REDIC1: variants seen among roughly 807,000 people sequenced by gnomAD.
REDIC1 encodes regulator of DNA class I crossover intermediates 1.
the REDIC1 span, among the ~76,000 whole-genome samples, chr12:39,864,192 G>T: frequency 7.9e-5 from 12 of 152,256 alleles, no homozygotes; most frequent in Non-Finnish European, 1.5e-4. Flanking sequence ...TACACTGTTA[G>T]ATTTAATGAG....
the REDIC1 span, among the ~76,000 whole-genome samples, chr12:39,704,525 G>C: frequency 6.6e-6 from 1 of 152,252 alleles, no homozygotes; most frequent in African/African-American, 2.4e-5. Context: ...GATTCCTCAG[G>C]GATCTAGAAC....
chr12:39,628,218 G>A, the REDIC1 span, among the ~76,000 whole-genome samples: 1 of 152,144 alleles, frequency 6.6e-6, no homozygotes, highest in Non-Finnish European at 1.5e-5. Context: ...CTTGTGAAAT[G>A]TTCAGATACA....
At chr12:39,900,899 G>C in the REDIC1 span, among the ~76,000 whole-genome samples, 8 of 152,228 alleles carry the variant, frequency 5.3e-5, no homozygotes, top group East Asian at 1.5e-3. Flanking sequence ...TAAGCCAAAA[G>C]AACAAAGCTG....
chr12:39,778,887 ACT>A, the REDIC1 span, among the ~76,000 whole-genome samples: 2 of 152,040 alleles, frequency 1.3e-5, no homozygotes, highest in South Asian at 2.1e-4. Context: ...TTCCAGGAAA[ACT>A]CTGTTTCTAT....
the REDIC1 span, among the ~76,000 whole-genome samples, chr12:39,858,753 C>A: frequency 6.6e-6 from 1 of 152,042 alleles, no homozygotes; most frequent in African/African-American, 2.4e-5. Flanking sequence ...ATTATAGGAG[C>A]CTGCCACCAC....
At chr12:39,747,442 A>G in the REDIC1 span, among the ~76,000 whole-genome samples, 15 of 152,244 alleles carry the variant, frequency 9.9e-5, no homozygotes, top group Non-Finnish European at 1.9e-4. Context: ...GACCAAAGCT[A>G]TGTCTGATTG....
chr12:39,899,686 G>A, the REDIC1 span, among the ~76,000 whole-genome samples: 2 of 151,816 alleles, frequency 1.3e-5, no homozygotes, highest in Non-Finnish European at 2.9e-5. Context: ...TTGTGTCTTT[G>A]TTCTCGTTGG....
the REDIC1 span, among the ~76,000 whole-genome samples, chr12:39,695,903 G>C: frequency 6.6e-6 from 1 of 152,196 alleles, no homozygotes; most frequent in African/African-American, 2.4e-5. Flanking sequence ...GCTGAGAACA[G>C]AGAGAGAGAC....
chr12:39,663,693 GTGTGGTAACA>G, the REDIC1 span, among the ~76,000 whole-genome samples: 30 of 151,976 alleles, frequency 2.0e-4, no homozygotes, highest in African/African-American at 6.7e-4. Context: ...TGATTTTCTG[GTGTGGTAACA>G]TTTGAGTCGT....
chr12:39,632,387 T>C, the REDIC1 span, among the ~76,000 whole-genome samples: 1 of 152,172 alleles, frequency 6.6e-6, no homozygotes, highest in Non-Finnish European at 1.5e-5. Flanking sequence ...CATGAGCCAC[T>C]GCACCCAGCC....
At chr12:39,750,020 C>A in the REDIC1 span, among the ~76,000 whole-genome samples, 477 of 152,258 alleles carry the variant, frequency 3.1e-3, 6 homozygotes, top group African/African-American at 0.011. Context: ...GACAGGGATG[C>A]CCTCTCTCAC....
the REDIC1 span, among the ~76,000 whole-genome samples, chr12:39,769,982 A>G: frequency 6.6e-6 from 1 of 151,988 alleles, no homozygotes; most frequent in Non-Finnish European, 1.5e-5. Flanking sequence ...ATGCTCTTTG[A>G]TTACTCTGTG....
At chr12:39,879,542 T>C in the REDIC1 span, among the ~76,000 whole-genome samples, 1 of 152,204 alleles carries the variant, frequency 6.6e-6, no homozygotes, top group African/African-American at 2.4e-5. Context: ...GCTTTAATAT[T>C]TAATTACAGC....
chr12:39,711,795 A>ATG, the REDIC1 span, among the ~76,000 whole-genome samples: 1 of 126,300 alleles, frequency 7.9e-6, no homozygotes. Context: ...ATGTGTGTGT[A>ATG]CACATGCATG....
the REDIC1 span, among the ~76,000 whole-genome samples, chr12:39,832,308 A>C: frequency 6.6e-6 from 1 of 152,176 alleles, no homozygotes; most frequent in Non-Finnish European, 1.5e-5. Flanking sequence ...ATTTAACAAT[A>C]CTAATTGTTC....
chr12:39,714,476 G>T, the REDIC1 span, among the ~76,000 whole-genome samples: 1 of 151,382 alleles, frequency 6.6e-6, no homozygotes, highest in African/African-American at 2.4e-5. Context: ...ATTTGGGTTT[G>T]TTGCATGATT....
At chr12:39,763,701 T>C in the REDIC1 span, among the ~76,000 whole-genome samples, 3 of 152,146 alleles carry the variant, frequency 2.0e-5, no homozygotes, top group African/African-American at 7.2e-5. Context: ...CATGGACTTA[T>C]GAGGATATTA....
the REDIC1 span, among the ~76,000 whole-genome samples, chr12:39,754,537 C>G: frequency 6.6e-6 from 1 of 151,996 alleles, no homozygotes; most frequent in Admixed American, 6.6e-5. Context: ...ATTATGGACA[C>G]GTGTCTAGCA....
chr12:39,646,899 T>TA, the REDIC1 span: 277 of 1,570,234 alleles, frequency 1.8e-4, no homozygotes, highest in Middle Eastern at 1.3e-3. Context: ...GTGAGATTTT[T>TA]AAAAAAATTC....
Sources: gnomAD v4.1 joint callset for allele counts (sites outside exome capture counted in the v4.1 genomes callset) on GRCh38, gnomAD v4.1.1 for gene constraint, MANE v1.5 for transcripts, NCBI Gene and HGNC (gene_info 2026-07-23, HGNC 2026-07-21) for gene names.